The following AKAP9 variants were observed in gnomAD, a reference collection of about 807,000 sequenced individuals.
The protein encoded by AKAP9 is A-kinase anchor protein 9.
Under a neutral mutation model 488.5 loss-of-function variants are expected in AKAP9, and 311 were observed. The ratio of observed to expected loss-of-function variants is 0.64; its 90% CI spans 0.58 to 0.70. AKAP9 has a LOEUF of 0.70. Among genes scored for constraint, AKAP9 ranks in the 30% least tolerant of loss-of-function variants. The pLI is 0.00. For synonymous variants in AKAP9, 1,462 were observed against 1,483.5 expected (o/e 0.99, Z 0.33); for missense variants, 4,215 against 4,374.5 (o/e 0.96, Z 1.03).
chr7:91,967,586 A>G (rs1051208846), intron 1 of AKAP9, among the ~76,000 whole-genome samples: 1 of 152,082 alleles, frequency 6.6e-6, no homozygotes, highest in South Asian at 2.1e-4. Context: ...GATTCTTTCA[A>G]TGTGATGTAT....
In AKAP9 at chr7:92,077,067, T is replaced by TTTA. The variant is rs199680174; in HGVS notation, c.6765+81_6765+83dup. 0.15 allele frequency: 70,945 copies of TTTA among 468,412 alleles called. 11,966 individuals carry two copies. The highest frequency in any genetic ancestry group is 0.42 in the African/African-American group (17,287 of 40,956). 29.0% of individuals were successfully genotyped at this position (468,412 alleles called of 1,614,324 possible). On this transcript the variant is annotated intron_variant, in intron 29 of 49. Transcript: ENST00000356239. ...AGTCATAGTTTCAGTCCTATATTGC[T>TTTA]TTATTATTATTATTATTATTATTTC...
intron 20 of AKAP9, among the ~76,000 whole-genome samples, chr7:92,043,800 CAT>C (rs534024193): frequency 5.3e-4 from 81 of 152,260 alleles, no homozygotes; most frequent in African/African-American, 1.9e-3. Flanking sequence ...ATAGATATGT[CAT>C]GTGCCTGTGA....
chr7:92,026,722 T>G (rs1379632918), intron 14 of AKAP9, among the ~76,000 whole-genome samples: 1 of 152,222 alleles, frequency 6.6e-6, no homozygotes, highest in East Asian at 1.9e-4. Context: ...CCTCCCAAAG[T>G]GCTGAGATTA....
chr7:92,058,379 A>C, intron 22 of AKAP9: 2 of 554,192 alleles, frequency 3.6e-6, no homozygotes, highest in Non-Finnish European at 3.7e-6. Context: ...ATTAAAGCTT[A>C]TTTCTAAAAT....
intron 14 of AKAP9, among the ~76,000 whole-genome samples, chr7:92,025,527 TC>T (rs776651976): frequency 6.6e-6 from 1 of 152,206 alleles, no homozygotes; most frequent in African/African-American, 2.4e-5. Flanking sequence ...AGTATACTGT[TC>T]CCTGTGGGTA....
chr7:92,094,781 C>T (rs1265892963), intron 39 of AKAP9, among the ~76,000 whole-genome samples: 2 of 152,104 alleles, frequency 1.3e-5, no homozygotes, highest in African/African-American at 4.8e-5. Flanking sequence ...TGCAGTGAGC[C>T]GAGATGGCGC....
rs1296326139 is a variant in AKAP9 at position 92,089,473 on chromosome 7, T to G, written c.9302T>G (p.Met3101Arg). 4.3e-6 allele frequency: 7 copies of G among 1,613,324 alleles called. No individual in the cohort carries two copies. The highest frequency in any genetic ancestry group is 5.9e-6 in the Non-Finnish European group (7 of 1,179,740). The part of the protein sequence containing the change: ...LSEIQALHAQ[M>R]NGRKITLKRE... ...GAAATTCAGGCACTGCATGCACAAATGAATGGTAGGAAAATTACTCTGAAA... is the reference window on the plus strand; with the variant it reads ...GAAATTCAGGCACTGCATGCACAAAGGAATGGTAGGAAAATTACTCTGAAA... Residue 3101 changes from methionine (M) to arginine (R), a missense_variant, in exon 38 of 50, where the codon ATG (methionine) becomes AGG (arginine). Met to Arg is a moderately conservative substitution (Grantham distance 91). Around this residue, in one of 5 missense-constraint regions of AKAP9, gnomAD observed 1,476 missense variants for 1,477.4 expected, o/e 1.00. Transcript: ENST00000356239.
At position 91,995,610 on chromosome 7, in the gene AKAP9, C is replaced by A. The variant is rs571425127; in HGVS notation, c.740C>A (p.Ala247Asp). Reference sequence around the variant, plus strand: ...GTTTCTTTCTATTTTCAGTTACAGGCTAGTGAAACTCTGAGAAACAGCACT... The same window carrying A: ...GTTTCTTTCTATTTTCAGTTACAGGATAGTGAAACTCTGAGAAACAGCACT... Reference protein sequence around the residue: ...KLQIQFQQLQASETLRNSTHS... With the variant: ...KLQIQFQQLQDSETLRNSTHS... Residue 247 changes from alanine to aspartate, a missense_variant, in exon 7 of 50, where the codon GCT becomes GAT. By Grantham distance (126) the Ala-to-Asp change is moderately radical. Coordinates refer to ENST00000356239, the MANE Select transcript of AKAP9 (RefSeq NM_005751.5). 1 of 1,613,898 alleles carries A rather than the reference C, an allele frequency of 6.2e-7. No individual in the cohort carries two copies. Among genetic ancestry groups the A allele is most frequent in the East Asian group, 2.2e-5 (1 of 44,868 alleles).
chr7:92,055,047 A>C (rs1808553427), intron 22 of AKAP9, among the ~76,000 whole-genome samples: 1 of 152,066 alleles, frequency 6.6e-6, no homozygotes, highest in Non-Finnish European at 1.5e-5. Context: ...TCCAGAATCC[A>C]GAAGTATTAT....
intron 1 of AKAP9, among the ~76,000 whole-genome samples, chr7:91,942,170 T>TA (rs1410471114): frequency 6.6e-6 from 1 of 152,198 alleles, no homozygotes; most frequent in Non-Finnish European, 1.5e-5. Context: ...AAAATTGTAT[T>TA]ACAGGTAACT....
chr7:91,990,803 T>C (rs1007207743), intron 3 of AKAP9, among the ~76,000 whole-genome samples: 3 of 152,242 alleles, frequency 2.0e-5, no homozygotes, highest in Non-Finnish European at 4.4e-5. Flanking sequence ...GAAGAAGCAG[T>C]AGTCCCCCAT....
chr7:92,008,291 C>T (rs982388272), intron 8 of AKAP9, among the ~76,000 whole-genome samples: 6 of 152,056 alleles, frequency 3.9e-5, no homozygotes, highest in South Asian at 2.1e-4. Flanking sequence ...TGATTGAACC[C>T]GGGAGGCAGA....
At chr7:92,025,496 A>C (rs577847742) in intron 14 of AKAP9, among the ~76,000 whole-genome samples, 2 of 152,348 alleles carry the variant, frequency 1.3e-5, no homozygotes, top group African/African-American at 4.8e-5. Context: ...TTTGGACATG[A>C]CTGTAACACA....
At position 92,076,963 on chromosome 7, in the gene AKAP9, A is replaced by G; in HGVS notation, c.6721A>G (p.Thr2241Ala). 1 of 1,580,134 alleles carries G rather than the reference A, an allele frequency of 6.3e-7. No individual in the cohort carries two copies. The highest frequency in any genetic ancestry group is 8.6e-7 in the Non-Finnish European group (1 of 1,157,374). Residue 2241 changes from threonine (T) to alanine (A), a missense_variant, in exon 29 of 50, where the codon ACT becomes GCT. By Grantham distance (58) the Thr-to-Ala change is moderately conservative (BLOSUM62 0). This residue lies in a region of AKAP9 where 51 missense variants were observed against 87.3 expected (regional missense o/e 0.58). Transcript: ENST00000356239. ...ATTAGAAATACAGAAAAAGGAATCTACTACCCGCCTACAAGAACTTGAACA... is the reference window on the plus strand; with the variant it reads ...ATTAGAAATACAGAAAAAGGAATCTGCTACCCGCCTACAAGAACTTGAACA... ...MQLEIQKKES[T>A]TRLQELEQEN...
chr7:92,070,806 C>CAAAAA (rs34613656), intron 27 of AKAP9, 99 bp from the exon 28 acceptor site: 66 of 460,020 alleles, frequency 1.4e-4, no homozygotes, highest in South Asian at 4.5e-4. Flanking sequence ...TGCTGCTTCT[C>CAAAAA]AAAAAAAAAA....
At chr7:92,032,534 A>AT (rs2130759884) in intron 16 of AKAP9, among the ~76,000 whole-genome samples, 1 of 152,016 alleles carries the variant, frequency 6.6e-6, no homozygotes, top group South Asian at 2.1e-4. Flanking sequence ...TATATGAACT[A>AT]TTGAATTATG....
intron 48 of AKAP9, chr7:92,107,650 G>GACT: frequency 2.3e-6 from 1 of 441,426 alleles, no homozygotes; most frequent in Non-Finnish European, 4.1e-6. Flanking sequence ...GCTAGTTGGA[G>GACT]ACTAGCCTGG....
intron 40 of AKAP9, among the ~76,000 whole-genome samples, chr7:92,096,442 C>T (rs1469338521): frequency 6.0e-5 from 9 of 150,432 alleles, no homozygotes; most frequent in East Asian, 4.0e-4. Context: ...TCAAGCAATT[C>T]GCCTGCCTCA....
At chr7:92,094,894 AT>A in intron 39 of AKAP9, 128 bp from the exon 40 acceptor site, 7 of 734,798 alleles carry the variant, frequency 9.5e-6, no homozygotes, top group Non-Finnish European at 1.6e-5. Flanking sequence ...AGAATCTTTA[AT>A]AGTTTATATT....
Sources: allele counts gnomAD v4.1 joint callset (sites outside exome capture counted in the v4.1 genomes callset), GRCh38; gene constraint gnomAD v4.1.1; regional missense constraint gnomAD v4.1.1; transcripts MANE v1.5; gene names NCBI Gene and HGNC (gene_info 2026-07-23, HGNC 2026-07-21).